The following TSKS variants were observed in gnomAD, a reference collection of about 807,000 sequenced individuals.
The protein encoded by TSKS is testis-specific serine kinase substrate.
TSKS carries 27 observed loss-of-function variants against 68.0 expected under a neutral mutation model. That is an observed-to-expected ratio of 0.40 (90% CI 0.29 to 0.55). The LOEUF is 0.55. Among genes scored for constraint, TSKS ranks in the 20% least tolerant of loss-of-function variants. The pLI is 0.53. For missense variants in TSKS, 806 were observed against 776.0 expected, an observed-to-expected ratio of 1.04 and a Z score of -0.46; for synonymous variants, 331 against 340.4, an observed-to-expected ratio of 0.97 and a Z score of 0.30.
chr19:49,746,622 C>G lies in TSKS; in HGVS notation c.840G>C (p.Gln280His), dbSNP rs1362076814. 18 of 1,610,930 alleles carry G rather than the reference C, an allele frequency of 1.1e-5. No homozygotes were observed. The highest frequency in any genetic ancestry group is 1.4e-5 in the Non-Finnish European group (17 of 1,179,590). The change falls in exon 6 of 11, where the codon CAG becomes CAC. Residue 280 changes from glutamine (Q) to histidine (H), a missense_variant. Gln to His is a conservative substitution (Grantham distance 24). Coordinates refer to ENST00000246801, the MANE Select transcript of TSKS (RefSeq NM_021733.2). The stretch of plus-strand genomic sequence containing the variant: ...GACTCCCTGGCGGGCCGGGGCAGCC[C>G]TGGGACGTGGCGGCGGGGCCCAGGC... ...WNSLGPAATSQGCPGPPGSPD... is the reference protein window; with the variant it reads ...WNSLGPAATSHGCPGPPGSPD...
intron 9 of TSKS, 38 bp downstream of exon 9, chr19:49,741,847 A>G (rs2084254835): frequency 6.2e-7 from 1 of 1,613,262 alleles, no homozygotes; most frequent in Non-Finnish European, 8.5e-7. Context: ...CCCAACAGAA[A>G]AGTAAAGTGG....
chr19:49,746,871 C>A, intron 5 of TSKS, 73 bp from the exon 6 acceptor site: 1 of 1,550,888 alleles, frequency 6.4e-7, no homozygotes, highest in South Asian at 1.2e-5. Flanking sequence ...CCCCAAAATC[C>A]GCTCCAGTAC....
chr19:49,748,857 A>T (rs2084324996), intron 2 of TSKS, among the ~76,000 whole-genome samples: 1 of 152,142 alleles, frequency 6.6e-6, no homozygotes, highest in South Asian at 2.1e-4. Context: ...ACTTGAGGTC[A>T]GGAGTTCAAG....
intron 9 of TSKS, among the ~76,000 whole-genome samples, chr19:49,741,214 G>T (rs1344804582): frequency 7.6e-6 from 1 of 131,654 alleles, no homozygotes; most frequent in Non-Finnish European, 1.7e-5. Flanking sequence ...ACAGTCCTTA[G>T]TGCCCTGGTT....
chr19:49,752,899 G>A (rs1441669895), intron 2 of TSKS, among the ~76,000 whole-genome samples: 3 of 152,216 alleles, frequency 2.0e-5, no homozygotes, highest in Admixed American at 2.0e-4. Flanking sequence ...GCACAAGCAG[G>A]AAGGGAAGGC....
At chr19:49,756,380 G>T (rs536336714) in intron 2 of TSKS, among the ~76,000 whole-genome samples, 2 of 152,134 alleles carry the variant, frequency 1.3e-5, no homozygotes, top group East Asian at 3.9e-4. Context: ...GACTGTTTGA[G>T]CCCAGGAGGT....
At chr19:49,749,691 C>T (rs756611132) in intron 2 of TSKS, among the ~76,000 whole-genome samples, 28 of 152,050 alleles carry the variant, frequency 1.8e-4, no homozygotes, top group Admixed American at 3.3e-4. Context: ...ACTATCATAG[C>T]TCACCAGCTC....
intron 9 of TSKS, among the ~76,000 whole-genome samples, chr19:49,741,317 T>A (rs2084250242): frequency 6.6e-6 from 1 of 152,188 alleles, no homozygotes; most frequent in Non-Finnish European, 1.5e-5. Flanking sequence ...CACTTGTCTG[T>A]CTCACCCACT....
In TSKS at chr19:49,744,112, G is replaced by A. The variant is rs1174003066; in HGVS notation, c.1361+119C>T. On this transcript the variant is annotated intron_variant, in intron 8 of 10. Transcript: ENST00000246801. Reference sequence around the variant, plus strand: ...GGACCGGCTGTTTCTACAATGCACTGGGATACCTTGTCTCCCAAAATGAAC... The same window carrying A: ...GGACCGGCTGTTTCTACAATGCACTAGGATACCTTGTCTCCCAAAATGAAC... 3.8e-6 allele frequency: 4 copies of A among 1,055,218 alleles called. No homozygotes were observed. In the African/African-American group the frequency reaches 4.7e-5, roughly 12 times the overall value. The allele number at this position is 1,055,218 out of a possible 1,614,324, so 65.4% of individuals were successfully genotyped here. A position where few individuals can be genotyped will look rare whatever the true frequency, so the allele number is the denominator to read the frequency against.
In TSKS at chr19:49,739,846, G is replaced by A. The variant is rs141726866; in HGVS notation, c.1709C>T (p.Thr570Met). 1.2e-4 allele frequency: 193 copies of A among 1,613,696 alleles called. No individual in the cohort carries two copies. Among genetic ancestry groups the A allele is most frequent in the Middle Eastern group, 4.9e-4 (3 of 6,084 alleles). ...ACTGCTGCCTCCCCCCATTGTTCCC[G>A]TGGACCCCTCAAGTGGCAGGTTGCT... Reference protein sequence around the residue: ...HLSNLPLEGSTGTMGGGSSAG... With the variant: ...HLSNLPLEGSMGTMGGGSSAG... Residue 570 changes from threonine (T) to methionine (M), a missense_variant, in exon 11 of 11, where the codon ACG becomes ATG. Thr to Met is a moderately conservative substitution (Grantham distance 81, BLOSUM62 -1). Transcript: ENST00000246801.
intron 2 of TSKS, among the ~76,000 whole-genome samples, chr19:49,754,520 A>C (rs986214303): frequency 1.8e-4 from 28 of 151,992 alleles, no homozygotes; most frequent in Non-Finnish European, 3.5e-4. Context: ...AAAATAAAAA[A>C]TGGCCAGTTT....
intron 8 of TSKS, among the ~76,000 whole-genome samples, chr19:49,743,079 CTAAG>C (rs944586858): frequency 1.6e-4 from 24 of 151,526 alleles, no homozygotes; most frequent in African/African-American, 5.3e-4. Flanking sequence ...TTAAAATGTA[CTAAG>C]TGTTTTTTTT....
chr19:49,747,578 G>A, intron 4 of TSKS, 106 bp from the exon 5 acceptor site: 2 of 1,100,102 alleles, frequency 1.8e-6, no homozygotes, highest in Non-Finnish European at 1.4e-6. Flanking sequence ...TAGCCCCCCA[G>A]TACAAGACAC....
intron 9 of TSKS, 60 bp downstream of exon 9, chr19:49,741,825 C>A: frequency 6.2e-7 from 1 of 1,610,606 alleles, no homozygotes; most frequent in Non-Finnish European, 8.5e-7. Flanking sequence ...TCCGGGGTTC[C>A]CCTCCCCTTG....
rs546287496 is a variant in TSKS, at chr19:49,762,079, T to C, written c.324A>G (p.Gln108=). Residue 108 remains glutamine, a synonymous_variant, in exon 2 of 11, where the codon CAA becomes CAG. Coordinates refer to ENST00000246801, the MANE Select transcript of TSKS (RefSeq NM_021733.2). ...AGGCAGGGGGCCCAGCCAGTGTGAG[T>C]TGGCCGCTGAGGTCTTCCACTGTGG... ...TDSTVEDLSG[Q]LTLAGPPASP... 1.2e-5 allele frequency: 19 copies of C among 1,613,952 alleles called. No homozygotes were observed. The Admixed American group carries it at 3.2e-4, about 27-fold the overall frequency.
intron 9 of TSKS, among the ~76,000 whole-genome samples, chr19:49,740,681 C>T (rs1480265352): frequency 2.7e-5 from 4 of 146,740 alleles, no homozygotes; most frequent in African/African-American, 7.6e-5. Context: ...GTCAAGAGTT[C>T]GAGACCAGCC....
chr19:49,752,673 G>T (rs758776356), intron 2 of TSKS, among the ~76,000 whole-genome samples: 3 of 152,304 alleles, frequency 2.0e-5, no homozygotes, highest in African/African-American at 7.2e-5. Context: ...TGCTACTGCC[G>T]AAGGCAATGG....
At chr19:49,757,572 G>C (rs1251774646) in intron 2 of TSKS, among the ~76,000 whole-genome samples, 1 of 152,092 alleles carries the variant, frequency 6.6e-6, no homozygotes, top group Non-Finnish European at 1.5e-5. Flanking sequence ...ACCTCTCTGT[G>C]CCTCTGCTTC....
At chr19:49,758,673 C>G (rs368181644) in intron 2 of TSKS, among the ~76,000 whole-genome samples, 2 of 152,106 alleles carry the variant, frequency 1.3e-5, no homozygotes, top group East Asian at 1.9e-4. Context: ...CCAGGCTCCC[C>G]TCTGGCCTCC....
Sources: allele counts gnomAD v4.1 joint callset (sites outside exome capture counted in the v4.1 genomes callset), GRCh38; gene constraint gnomAD v4.1.1; transcripts MANE v1.5; gene names NCBI Gene and HGNC (gene_info 2026-07-23, HGNC 2026-07-21).